HAAO: variants seen among roughly 807,000 people sequenced by gnomAD.
The protein encoded by HAAO is 3-hydroxyanthranilate 3,4-dioxygenase.
Under a neutral mutation model 46.2 loss-of-function variants are expected in HAAO, and 49 were observed. That is an observed-to-expected ratio of 1.06 (90% CI 0.84 to 1.34). The LOEUF (loss-of-function observed/expected upper bound fraction) is 1.34. Among genes scored for constraint, HAAO ranks in the 40% most tolerant of loss-of-function variants. HAAO has a pLI of 0.00. For missense variants in HAAO, 408 were observed against 364.5 expected (o/e 1.12, Z -0.97); for synonymous variants, 157 against 145.2 (o/e 1.08, Z -0.58).
At position 42,775,529 on chromosome 2, in the gene HAAO, G is replaced by GGT. The variant is rs35501474; in HGVS notation, c.351-4949_351-4948dup. 1.7e-3 allele frequency among the ~76,000 whole-genome samples: 251 copies of GGT among 150,784 alleles called. 2 individuals carry two copies. The highest frequency in any genetic ancestry group is 1.8e-3 in the African/African-American group (76 of 41,178). On this transcript the variant is annotated intron_variant, in intron 4 of 9. Coordinates refer to ENST00000294973, the MANE Select transcript of HAAO (RefSeq NM_012205.3). ...CTTAATTAAAAGCTAACATCCAAGGGGTGTGTGTGTGTGTGTGTATTTAAC... is the reference window on the plus strand; with the variant it reads ...CTTAATTAAAAGCTAACATCCAAGGGGTGTGTGTGTGTGTGTGTGTATTTAAC...
At chr2:42,792,199 C>A (rs1297240628) in intron 1 of HAAO, among the ~76,000 whole-genome samples, 1 of 152,112 alleles carries the variant, frequency 6.6e-6, no homozygotes, top group Non-Finnish European at 1.5e-5. Flanking sequence ...AGAGGTGCAC[C>A]CTGTCATGTC....
At chr2:42,769,550 C>T (rs1349275191) in intron 7 of HAAO, among the ~76,000 whole-genome samples, 163 bp downstream of exon 7, 6 of 151,750 alleles carry the variant, frequency 4.0e-5, no homozygotes, top group Admixed American at 1.3e-4. Context: ...GGCCTATGCT[C>T]ATGTCTACAA....
Position 42,769,766 on chromosome 2 carries a change from C to G in HAAO, c.577G>C (p.Glu193Gln), listed in dbSNP as rs373963540. ...CTGAGTGGTGTGCCTGCCTGCAGCT[C>G]CCTGTGGTGGCTGTCCAGCCAGGCA... ...LDAWLDSHHR[E>Q]LQAGTPLSLF... Residue 193 changes from glutamate (E) to glutamine (Q), a missense_variant, in exon 7 of 10, where the codon GAG becomes CAG. Physicochemically the swap from Glu to Gln is conservative, Grantham distance 29. Coordinates refer to ENST00000294973, the MANE Select transcript of HAAO (RefSeq NM_012205.3). The G allele has an allele frequency of 6.8e-6, 11 of 1,613,942 alleles. No homozygotes were observed. In the South Asian group the frequency reaches 1.1e-4, roughly 16 times the overall value.
At chr2:42,772,982 A>G (rs1009670104) in intron 4 of HAAO, among the ~76,000 whole-genome samples, 11 of 151,674 alleles carry the variant, frequency 7.3e-5, no homozygotes, top group African/African-American at 2.7e-4. Flanking sequence ...GAGCTTTTGG[A>G]AAATCTATTT....
intron 2 of HAAO, among the ~76,000 whole-genome samples, chr2:42,787,920 A>C (rs1672506047): frequency 6.6e-6 from 1 of 152,104 alleles, no homozygotes; most frequent in Non-Finnish European, 1.5e-5. Context: ...AAGGTGATTC[A>C]AGGCAAATTC....
chr2:42,767,775 G>C (rs1278847886), intron 8 of HAAO, 85 bp downstream of exon 8: 1 of 1,550,462 alleles, frequency 6.4e-7, no homozygotes, highest in African/African-American at 1.4e-5. Context: ...CCAAGAGTGG[G>C]CCCCGTGTGG....
chr2:42,782,921 T>C (rs542196230), intron 4 of HAAO: 7 of 462,008 alleles, frequency 1.5e-5, no homozygotes, highest in Non-Finnish European at 3.0e-5. Flanking sequence ...TCTTACGACT[T>C]TGGGCACATG....
chr2:42,771,418 C>T (rs189639427), intron 4 of HAAO, among the ~76,000 whole-genome samples: 17 of 147,146 alleles, frequency 1.2e-4, no homozygotes, highest in African/African-American at 4.1e-4. Context: ...CAGAACAAGA[C>T]TCTGTCTCAA....
intron 4 of HAAO, among the ~76,000 whole-genome samples, chr2:42,773,959 T>C (rs1671349250): frequency 6.6e-6 from 1 of 152,236 alleles, no homozygotes; most frequent in Non-Finnish European, 1.5e-5. Flanking sequence ...TTGCCTCCTC[T>C]GGAGAGACTA....
chr2:42,767,762 G>A (rs1176065739), intron 8 of HAAO, 85 bp from the exon 9 acceptor site: 1 of 1,543,484 alleles, frequency 6.5e-7, no homozygotes, highest in Non-Finnish European at 8.9e-7. Flanking sequence ...GGGCCCCAAG[G>A]CCCCAAGAGT....
At chr2:42,788,302 G>C (rs1425023628) in intron 2 of HAAO, among the ~76,000 whole-genome samples, 1 of 152,190 alleles carries the variant, frequency 6.6e-6, no homozygotes, top group African/African-American at 2.4e-5. Context: ...TTGTTTCCTG[G>C]GGCTCCCCCA....
chr2:42,785,888 T>C (rs1440648888), intron 2 of HAAO, among the ~76,000 whole-genome samples: 1 of 151,836 alleles, frequency 6.6e-6, no homozygotes, highest in Non-Finnish European at 1.5e-5. Flanking sequence ...AACACAAACA[T>C]GAACAAACAA....
intron 4 of HAAO, among the ~76,000 whole-genome samples, chr2:42,780,302 G>C (rs999849878): frequency 3.3e-5 from 5 of 151,204 alleles, no homozygotes; most frequent in African/African-American, 1.2e-4. Context: ...CCGCCTCCCA[G>C]GTTCAAGTGA....
At chr2:42,773,385 G>A (rs182520496) in intron 4 of HAAO, among the ~76,000 whole-genome samples, 118 of 152,112 alleles carry the variant, frequency 7.8e-4, no homozygotes, top group Non-Finnish European at 2.1e-4. Flanking sequence ...GGCACTGGCC[G>A]TGATTCTAAA....
chr2:42,771,822 G>C (rs921620982), intron 4 of HAAO, among the ~76,000 whole-genome samples: 6 of 152,268 alleles, frequency 3.9e-5, no homozygotes, highest in Non-Finnish European at 7.3e-5. Context: ...GCTGGTGGGA[G>C]ATGCTTTACA....
intron 6 of HAAO, 29 bp downstream of exon 6, chr2:42,770,114 A>G: frequency 6.3e-7 from 1 of 1,593,944 alleles, no homozygotes. Flanking sequence ...GAGGGAGGGA[A>G]GGAGAAGGGC....
chr2:42,777,157 G>A (rs1671640584), intron 4 of HAAO, among the ~76,000 whole-genome samples: 1 of 151,684 alleles, frequency 6.6e-6, no homozygotes, highest in South Asian at 2.1e-4. Context: ...CAAAAAATTA[G>A]CTGGGTGTGG....
intron 7 of HAAO, 124 bp downstream of exon 7, chr2:42,769,589 G>A (rs960076838): frequency 7.4e-6 from 5 of 680,198 alleles, no homozygotes; most frequent in Non-Finnish European, 9.3e-6. Flanking sequence ...GTGTGTGTGT[G>A]TGTGTGTGTG....
chr2:42,779,415 G>A (rs1371208678), intron 4 of HAAO, among the ~76,000 whole-genome samples: 2 of 151,644 alleles, frequency 1.3e-5, no homozygotes, highest in Admixed American at 6.6e-5. Flanking sequence ...TCCGCCTCCC[G>A]GGTTCAAGCA....
Sources: gnomAD v4.1 joint callset for allele counts (sites outside exome capture counted in the v4.1 genomes callset) on GRCh38, gnomAD v4.1.1 for gene constraint, MANE v1.5 for transcripts, NCBI Gene and HGNC (gene_info 2026-07-23, HGNC 2026-07-21) for gene names.